Variants in LCP1 observed in about 807,000 individuals in gnomAD.
LCP1 encodes lymphocyte cytosolic protein 1.
A neutral mutation model predicts 72.0 loss-of-function variants in LCP1; 23 were observed. The ratio of observed to expected loss-of-function variants is 0.32; its 90% confidence interval spans 0.23 to 0.45. The LOEUF (loss-of-function observed/expected upper bound fraction) is 0.45. Ranked by LOEUF, LCP1 falls within the 20% of genes least tolerant of loss-of-function variation. The pLI, the probability that LCP1 is intolerant of heterozygous loss-of-function variation, is 1.00. For missense variants in LCP1, 571 were observed against 748.3 expected (o/e 0.76, Z 2.76); for synonymous variants, 245 against 275.4 (o/e 0.89, Z 1.09).
chr13:46,166,248 G>T (rs142316294), intron 1 of LCP1, among the ~76,000 whole-genome samples: 1 of 152,290 alleles, frequency 6.6e-6, no homozygotes, highest in African/African-American at 2.4e-5. Flanking sequence ...TTTCTCTGGG[G>T]AGTTTCATAA....
chr13:46,158,646 G>T lies in LCP1; in HGVS notation c.234C>A (p.Phe78Leu). 1 of 1,613,916 alleles carries T rather than the reference G, an allele frequency of 6.2e-7. No homozygotes were observed. Residue 78 changes from phenylalanine to leucine, a missense_variant, in exon 4 of 16, where the codon TTC becomes TTA. By Grantham distance (22) the Phe-to-Leu change is conservative (BLOSUM62 0). Coordinates refer to ENST00000323076, the MANE Select transcript of LCP1 (RefSeq NM_002298.5). ...RISFDEFIKIFHGLKSTDVAK... is the reference protein window; with the variant it reads ...RISFDEFIKILHGLKSTDVAK... ...CAACATCTGTGCTTTTTAGGCCATG[G>T]AAAATCTGCAAAAATATAATGTATC...
At chr13:46,144,830 T>C (rs555405358) in intron 10 of LCP1, among the ~76,000 whole-genome samples, 24 of 152,250 alleles carry the variant, frequency 1.6e-4, no homozygotes, top group African/African-American at 5.5e-4. Context: ...CAAACAGAGA[T>C]CATACAAGCT....
At chr13:46,151,677 TC>T (rs533281643) in intron 7 of LCP1, among the ~76,000 whole-genome samples, 237 of 152,278 alleles carry the variant, frequency 1.6e-3, no homozygotes, top group African/African-American at 5.5e-3. Flanking sequence ...CTATTTCCTC[TC>T]CCCCGCCTTC....
At chr13:46,171,784 T>C (rs9567629) in intron 1 of LCP1, among the ~76,000 whole-genome samples, 28,698 of 152,320 alleles carry the variant, frequency 0.19, 2,893 homozygotes, top group East Asian at 0.33. Context: ...TGAAGTGCAG[T>C]GGACCTATGA....
At chr13:46,137,589 T>C (rs1379240952) in intron 13 of LCP1, among the ~76,000 whole-genome samples, 2 of 152,194 alleles carry the variant, frequency 1.3e-5, no homozygotes, top group African/African-American at 4.8e-5. Flanking sequence ...CACTAAGCAA[T>C]TGCTCATCTA....
chr13:46,168,342 C>G (rs2045887749), intron 1 of LCP1: 1 of 152,198 alleles, frequency 6.6e-6, no homozygotes, highest in Non-Finnish European at 1.5e-5. Context: ...GCTGCTGGCG[C>G]CATCAGCAGC....
At chr13:46,146,829 T>C (rs2138240941) in intron 10 of LCP1, 79 bp downstream of exon 10, 1 of 1,379,596 alleles carries the variant, frequency 7.2e-7, no homozygotes, top group East Asian at 2.3e-5. Flanking sequence ...TTATATTTGC[T>C]TAGGAAGTGA....
Position 46,150,929 on chromosome 13 carries a change from C to G in LCP1, c.882+7G>C, listed in dbSNP as rs1257061088. The G allele has an allele frequency of 5.0e-6, 8 of 1,612,554 alleles. No individual in the cohort carries two copies. In the African/African-American group the frequency reaches 8.0e-5, roughly 16 times the overall value. ...AGAGAGTCATGTTCAAACAACGCTCCTCCTACCTTGATGTCAGTACTGAAG... is the reference window on the plus strand; with the variant it reads ...AGAGAGTCATGTTCAAACAACGCTCGTCCTACCTTGATGTCAGTACTGAAG... On this transcript the variant is annotated splice_region_variant and intron_variant, in intron 8 of 15. Coordinates refer to ENST00000323076, the MANE Select transcript of LCP1 (RefSeq NM_002298.5).
In LCP1 at chr13:46,142,506, A is replaced by T. The variant is rs1593947676; in HGVS notation, c.1369-81T>A. ...CCAGATAAATAATAAAAATAAAGAT[A>T]AAAAATGAAATAAATATGGTAAGAC... is the stretch of plus-strand genomic sequence containing the variant. On this transcript the variant is annotated intron_variant, in intron 12 of 15. Transcript: ENST00000323076. 3.5e-6 allele frequency: 5 copies of T among 1,441,720 alleles called. No individual in the cohort carries two copies. The East Asian group carries it at 1.3e-4, about 36-fold the overall frequency. The allele number at this position is 1,441,720 out of a possible 1,614,324, so 89.3% of individuals were successfully genotyped here. A position where few individuals can be genotyped will look rare whatever the true frequency, so the allele number is the denominator to read the frequency against.
At chr13:46,142,757 G>A in intron 12 of LCP1, 1 of 478,514 alleles carries the variant, frequency 2.1e-6, no homozygotes, top group African/African-American at 2.0e-5. Context: ...TGAATTCATG[G>A]AGATTGACAT....
chr13:46,150,285 T>C (rs111453266), intron 8 of LCP1, among the ~76,000 whole-genome samples: 2,285 of 152,354 alleles, frequency 0.015, 31 homozygotes, highest in Non-Finnish European at 0.02. Flanking sequence ...ACTTTCTATC[T>C]TCATCCATCT....
chr13:46,146,927 A>C lies in LCP1; in HGVS notation c.1155T>G (p.Ile385Met). ...PALHKPENQD[I>M]DWGALEGETR... ...AGTTACCTTCAAGAGCCCCCCAGTCAATGTCCTGGTTCTCTGGTTTGTGCA... is the reference window on the plus strand; with the variant it reads ...AGTTACCTTCAAGAGCCCCCCAGTCCATGTCCTGGTTCTCTGGTTTGTGCA... The change falls in exon 10 of 16, where the codon ATT (isoleucine) becomes ATG (methionine). Residue 385 changes from isoleucine (I) to methionine (M), a missense_variant. Coordinates refer to ENST00000323076, the MANE Select transcript of LCP1 (RefSeq NM_002298.5). 1 of 1,614,140 alleles carries C rather than the reference A, an allele frequency of 6.2e-7. No individual in the cohort carries two copies.
chr13:46,162,530 A>C (rs1372438017), intron 1 of LCP1, among the ~76,000 whole-genome samples: 2 of 151,858 alleles, frequency 1.3e-5, no homozygotes, highest in Non-Finnish European at 2.9e-5. Context: ...TCCAGCTCCT[A>C]ACCGTGAGTG....
Position 46,128,399 on chromosome 13 carries a change from C to T in LCP1, c.1752-676G>A, listed in dbSNP as rs2045613224. 2.0e-5 allele frequency among the ~76,000 whole-genome samples: 3 copies of T among 152,176 alleles called. No homozygotes were observed. In the South Asian group the frequency reaches 6.2e-4, roughly 32 times the overall value. On this transcript the variant is annotated intron_variant, in intron 15 of 15. Transcript: ENST00000323076. ...GGATCACAAGGTCAGGAGATCGAGACCATCCTGGCCAACATGGTGAAACCC... is the reference window on the plus strand; with the variant it reads ...GGATCACAAGGTCAGGAGATCGAGATCATCCTGGCCAACATGGTGAAACCC...
chr13:46,179,435 G>A (rs1188738629), intron 1 of LCP1, among the ~76,000 whole-genome samples: 2 of 152,160 alleles, frequency 1.3e-5, no homozygotes, highest in Non-Finnish European at 2.9e-5. Flanking sequence ...CATGTGCCAG[G>A]AAAGATGGAG....
At position 46,144,391 on chromosome 13, in the gene LCP1, C is replaced by T. The variant is rs770249427; in HGVS notation, c.1253+51G>A. 7 of 1,339,360 alleles carry T rather than the reference C, an allele frequency of 5.2e-6. No homozygotes were observed. The Admixed American group carries it at 1.0e-4, about 20-fold the overall frequency. The allele number at this position is 1,339,360 out of a possible 1,614,324, so 83.0% of individuals were successfully genotyped here. On this transcript the variant is annotated intron_variant, in intron 11 of 15. Transcript: ENST00000323076. ...CATAGTGGTATTTGGAATCCTATGG[C>T]TCTTTTGAGGTCTCTATCTTACATT...
chr13:46,164,312 AT>A (rs2045864587), intron 1 of LCP1, among the ~76,000 whole-genome samples: 2 of 152,252 alleles, frequency 1.3e-5, no homozygotes, highest in African/African-American at 4.8e-5. Context: ...AATCTAAAAA[AT>A]ATCTAAAGAT....
chr13:46,175,310 CA>C (rs1448227471), intron 1 of LCP1, among the ~76,000 whole-genome samples: 2 of 152,090 alleles, frequency 1.3e-5, no homozygotes, highest in African/African-American at 4.8e-5. Flanking sequence ...GAAAATAACC[CA>C]CATCACACCT....
intron 1 of LCP1, among the ~76,000 whole-genome samples, chr13:46,172,267 T>A (rs1040708680): frequency 6.6e-6 from 1 of 152,132 alleles, no homozygotes. Context: ...GTGGATCACC[T>A]GAGGTCAGGA....
Sources: gnomAD v4.1 joint callset for allele counts (sites outside exome capture counted in the v4.1 genomes callset) on GRCh38, gnomAD v4.1.1 for gene constraint, MANE v1.5 for transcripts, NCBI Gene and HGNC (gene_info 2026-07-23, HGNC 2026-07-21) for gene names.